NTM: variants seen among roughly 807,000 people sequenced by gnomAD.
The protein encoded by NTM is IgLON family member 2.
In NTM, 13 loss-of-function variants were observed where a neutral mutation model predicts 42.1. The observed-to-expected ratio is 0.31, with a 90% CI of 0.20 to 0.49. NTM has a LOEUF of 0.49. Ranked by LOEUF, NTM falls within the 20% of genes least tolerant of loss-of-function variation. NTM has a pLI of 0.99. For missense variants in NTM, 373 were observed against 452.8 expected (o/e 0.82, Z 1.60); for synonymous variants, 187 against 179.2 (o/e 1.04, Z -0.35).
chr11:131,571,192 T>A (rs1412877192), intron 1 of NTM, among the ~76,000 whole-genome samples: 1 of 152,234 alleles, frequency 6.6e-6, no homozygotes, highest in East Asian at 1.9e-4. Context: ...GTATTAACTA[T>A]TAGGTAACTA....
At chr11:132,075,203 G>A (rs7951827) in intron 2 of NTM, among the ~76,000 whole-genome samples, 43,586 of 151,912 alleles carry the variant, frequency 0.29, 6,825 homozygotes, top group African/African-American at 0.4. Context: ...GAATGAGCAT[G>A]GAGTTTCAGT....
At chr11:131,765,337 C>A (rs988524275) in intron 1 of NTM, among the ~76,000 whole-genome samples, 1 of 152,066 alleles carries the variant, frequency 6.6e-6, no homozygotes, top group African/African-American at 2.4e-5. Context: ...TCAAACTCCC[C>A]TCCTCTCACT....
chr11:131,428,052 T>G (rs1565490584), intron 1 of NTM, among the ~76,000 whole-genome samples: 2 of 152,162 alleles, frequency 1.3e-5, no homozygotes, highest in African/African-American at 4.8e-5. Context: ...TCACCAGATC[T>G]CTCCCCTGGG....
chr11:131,816,987 A>G (rs2092979403), intron 1 of NTM, among the ~76,000 whole-genome samples: 1 of 152,014 alleles, frequency 6.6e-6, no homozygotes, highest in Non-Finnish European at 1.5e-5. Context: ...ATTTTTAACT[A>G]TTTCCTCTCC....
intron 1 of NTM, among the ~76,000 whole-genome samples, chr11:131,395,188 CCCTT>C (rs1454180605): frequency 6.6e-6 from 1 of 152,156 alleles, no homozygotes; most frequent in Non-Finnish European, 1.5e-5. Flanking sequence ...TGGACTCTGA[CCCTT>C]CCTTGGTCAC....
chr11:131,464,366 G>C (rs566134976), intron 1 of NTM, among the ~76,000 whole-genome samples: 399 of 152,138 alleles, frequency 2.6e-3, no homozygotes, highest in African/African-American at 5.0e-3. Flanking sequence ...AGCTGGGGGG[G>C]GGGCAGCAAC....
intron 3 of NTM, among the ~76,000 whole-genome samples, chr11:132,181,953 A>AGTT (rs1274112056): frequency 3.4e-5 from 3 of 88,726 alleles, no homozygotes; most frequent in African/African-American, 1.2e-4. Flanking sequence ...CACACTATCT[A>AGTT]GTTTATTATT....
chr11:131,898,375 G>A (rs1039508786), intron 1 of NTM, among the ~76,000 whole-genome samples: 2 of 152,250 alleles, frequency 1.3e-5, no homozygotes, highest in South Asian at 2.1e-4. Flanking sequence ...TTATTCATTC[G>A]TTCATTAATT....
At chr11:131,435,416 C>A (rs1379762136) in intron 1 of NTM, among the ~76,000 whole-genome samples, 1 of 152,180 alleles carries the variant, frequency 6.6e-6, no homozygotes, top group East Asian at 1.9e-4. Flanking sequence ...TTCTTCCTAT[C>A]CATGAGCATG....
intron 2 of NTM, among the ~76,000 whole-genome samples, chr11:131,918,342 T>C (rs1194420486): frequency 6.6e-6 from 1 of 152,196 alleles, no homozygotes; most frequent in Non-Finnish European, 1.5e-5. Context: ...TCCTGACTGC[T>C]GGTTTAGTCC....
chr11:131,401,819 T>A (rs1945200790), intron 1 of NTM, among the ~76,000 whole-genome samples: 2 of 46,900 alleles, frequency 4.3e-5, no homozygotes, highest in African/African-American at 9.7e-5. Context: ...TATATATATA[T>A]ATATATATAT....
At chr11:131,680,454 T>C (rs1365606243) in intron 1 of NTM, among the ~76,000 whole-genome samples, 6 of 148,084 alleles carry the variant, frequency 4.1e-5, no homozygotes, top group Admixed American at 1.3e-4. Context: ...TATCTGTGTC[T>C]GTGTCTGTGA....
intron 1 of NTM, among the ~76,000 whole-genome samples, chr11:131,864,253 G>A (rs1245849098): frequency 3.3e-5 from 5 of 152,156 alleles, no homozygotes; most frequent in African/African-American, 1.2e-4. Flanking sequence ...AATCCATCAG[G>A]GCAGGATCCA....
intron 1 of NTM, among the ~76,000 whole-genome samples, chr11:131,741,422 G>A (rs1026800556): frequency 6.6e-6 from 1 of 152,180 alleles, no homozygotes; most frequent in Non-Finnish European, 1.5e-5. Flanking sequence ...TGTGTCCCAA[G>A]CATAGACATG....
At chr11:132,099,835 C>T (rs563291088) in intron 2 of NTM, among the ~76,000 whole-genome samples, 15 of 152,292 alleles carry the variant, frequency 9.8e-5, no homozygotes, top group African/African-American at 2.2e-4. Flanking sequence ...GTGGTTTGAA[C>T]GCCTCACTGC....
At chr11:131,782,979 C>A (rs1346088924) in intron 1 of NTM, among the ~76,000 whole-genome samples, 1 of 152,036 alleles carries the variant, frequency 6.6e-6, no homozygotes, top group Non-Finnish European at 1.5e-5. Flanking sequence ...GAGGTCCTAG[C>A]TATTGCAATA....
chr11:131,631,995 G>T (rs1376019919), intron 1 of NTM, among the ~76,000 whole-genome samples: 1 of 151,948 alleles, frequency 6.6e-6, no homozygotes, highest in Non-Finnish European at 1.5e-5. Context: ...TATCCTCAAT[G>T]CTAGATTACT....
intron 2 of NTM, among the ~76,000 whole-genome samples, chr11:132,145,728 G>A (rs1300279747): frequency 6.6e-6 from 1 of 152,204 alleles, no homozygotes; most frequent in Non-Finnish European, 1.5e-5. Flanking sequence ...GAAGCCTTCT[G>A]TGGGAATTTG....
intron 1 of NTM, among the ~76,000 whole-genome samples, chr11:131,598,867 TC>T (rs1474821059): frequency 0.016 from 1,161 of 70,440 alleles, 56 homozygotes; most frequent in Non-Finnish European, 0.021. Flanking sequence ...CTTCCTTCCT[TC>T]CTTCCTTCTT....
Sources: gnomAD v4.1 joint callset for allele counts (sites outside exome capture counted in the v4.1 genomes callset) on GRCh38, gnomAD v4.1.1 for gene constraint, MANE v1.5 for transcripts, NCBI Gene and HGNC (gene_info 2026-07-23, HGNC 2026-07-21) for gene names.